Variants in CSMD1 observed in about 807,000 individuals in gnomAD.
CSMD1 encodes CUB and Sushi multiple domains 1.
Under a neutral mutation model 417.5 loss-of-function variants are expected in CSMD1, and 213 were observed. The observed-to-expected ratio is 0.51, with a 90% CI of 0.46 to 0.57. The LOEUF is 0.57. Among genes scored for constraint, CSMD1 ranks in the 20% least tolerant of loss-of-function variants. The pLI is 0.00. For missense variants in CSMD1, 6,923 were observed against 4,529.7 expected (o/e 1.53, Z -15.17); for synonymous variants, 2,862 against 1,736.8 (o/e 1.65, Z -16.11).
At chr8:4,084,662 G>C (rs542354349) in intron 3 of CSMD1, among the ~76,000 whole-genome samples, 80 of 152,196 alleles carry the variant, frequency 5.3e-4, no homozygotes, top group Non-Finnish European at 9.6e-4. Flanking sequence ...ACATTAGCAA[G>C]ACCAGTAGGG....
chr8:4,710,905 T>C (rs913852693), intron 1 of CSMD1, among the ~76,000 whole-genome samples: 7 of 151,778 alleles, frequency 4.6e-5, no homozygotes, highest in African/African-American at 1.7e-4. Context: ...CTTACATAAC[T>C]AGAAAATGGC....
chr8:4,106,096 A>T (rs775122418), intron 3 of CSMD1, among the ~76,000 whole-genome samples: 1 of 152,222 alleles, frequency 6.6e-6, no homozygotes, highest in Non-Finnish European at 1.5e-5. Flanking sequence ...TCTCTGAGGC[A>T]GGACAACCCT....
chr8:4,309,966 A>G (rs961339679), intron 3 of CSMD1, among the ~76,000 whole-genome samples: 25 of 152,192 alleles, frequency 1.6e-4, no homozygotes, highest in African/African-American at 5.5e-4. Context: ...CTATTTTTAC[A>G]TAGTGCTTTA....
intron 2 of CSMD1, among the ~76,000 whole-genome samples, chr8:4,439,487 G>C (rs949166592): frequency 2.0e-5 from 3 of 151,878 alleles, no homozygotes; most frequent in Admixed American, 6.6e-5. Context: ...TCTTCCGTTT[G>C]ACGAACAAGC....
At chr8:3,457,550 C>A (rs1287259688) in intron 12 of CSMD1, among the ~76,000 whole-genome samples, 1 of 152,154 alleles carries the variant, frequency 6.6e-6, no homozygotes, top group Admixed American at 6.5e-5. Flanking sequence ...GGCTTAGAGG[C>A]AAGAGGATAT....
chr8:4,316,085 T>TA (rs1163677540), intron 3 of CSMD1, among the ~76,000 whole-genome samples: 1 of 152,124 alleles, frequency 6.6e-6, no homozygotes, highest in Admixed American at 6.6e-5. Flanking sequence ...TAAAATGGGT[T>TA]ATTAAAAGCC....
At chr8:4,427,296 T>C (rs1563162036) in intron 2 of CSMD1, among the ~76,000 whole-genome samples, 1 of 152,142 alleles carries the variant, frequency 6.6e-6, no homozygotes, top group East Asian at 1.9e-4. Context: ...GAGCAGGTCT[T>C]GGTACTGTTG....
intron 4 of CSMD1, among the ~76,000 whole-genome samples, chr8:4,029,876 T>C (rs1797252132): frequency 6.7e-6 from 1 of 150,188 alleles, no homozygotes; most frequent in Admixed American, 6.6e-5. Flanking sequence ...AATACAGCCA[T>C]TCAAAAATGG....
Position 3,889,068 on chromosome 8 carries a change from A to G in CSMD1, c.818+108835T>C, listed in dbSNP as rs150272984. On this transcript the variant is annotated intron_variant, in intron 5 of 69. Coordinates refer to ENST00000635120, the MANE Select transcript of CSMD1 (RefSeq NM_033225.6). Reference sequence around the variant, plus strand: ...TTAAAAGGAGCTTAATATGTTAACTATCTTTTTTCTGCTGGTGACCAATTC... The same window carrying G: ...TTAAAAGGAGCTTAATATGTTAACTGTCTTTTTTCTGCTGGTGACCAATTC... Among the ~76,000 whole-genome samples the G allele has an allele frequency of 7.0e-3, 1,063 of 152,264 alleles. 16 individuals are homozygous for G. Among genetic ancestry groups the G allele is most frequent in the African/African-American group, 0.024 (1,017 of 41,570 alleles).
At chr8:4,232,172 G>C (rs529005593) in intron 3 of CSMD1, among the ~76,000 whole-genome samples, 16 of 152,082 alleles carry the variant, frequency 1.1e-4, no homozygotes, top group Non-Finnish European at 1.3e-4. Context: ...CAAGTGTATT[G>C]AGAAACACTT....
intron 50 of CSMD1, among the ~76,000 whole-genome samples, chr8:3,049,258 A>T (rs1811657608): frequency 6.6e-6 from 1 of 152,148 alleles, no homozygotes; most frequent in Non-Finnish European, 1.5e-5. Flanking sequence ...TTAAAAACTT[A>T]TGTCTGTATA....
intron 1 of CSMD1, among the ~76,000 whole-genome samples, chr8:4,791,899 C>A (rs1312084351): frequency 6.6e-6 from 1 of 152,014 alleles, no homozygotes; most frequent in Non-Finnish European, 1.5e-5. Context: ...ATTGGTTCAT[C>A]TTATTCGAAA....
intron 29 of CSMD1, 125 bp from the exon 30 acceptor site, chr8:3,214,816 G>C (rs962574744): frequency 3.7e-6 from 2 of 541,088 alleles, no homozygotes; most frequent in Non-Finnish European, 6.2e-6. Context: ...AAATAAGTAA[G>C]AAATGCTCAA....
At chr8:3,680,581 G>A (rs1178600240) in intron 7 of CSMD1, among the ~76,000 whole-genome samples, 1 of 152,132 alleles carries the variant, frequency 6.6e-6, no homozygotes, top group Non-Finnish European at 1.5e-5. Flanking sequence ...GGACCAGATG[G>A]ATTCACAGCC....
chr8:4,931,794 G>C (rs903004466), intron 1 of CSMD1, among the ~76,000 whole-genome samples: 2 of 152,182 alleles, frequency 1.3e-5, no homozygotes, highest in African/African-American at 4.8e-5. Flanking sequence ...GGCTCAGAAA[G>C]ACATTTGCAA....
chr8:4,294,746 G>C (rs185273932), intron 3 of CSMD1, among the ~76,000 whole-genome samples: 7 of 151,930 alleles, frequency 4.6e-5, no homozygotes, highest in East Asian at 3.9e-4. Context: ...ACTGTAATTA[G>C]ATGACTTTCT....
chr8:4,652,890 C>G (rs1282454515), intron 1 of CSMD1, among the ~76,000 whole-genome samples: 6 of 151,334 alleles, frequency 4.0e-5, no homozygotes, highest in African/African-American at 1.2e-4. Context: ...CTGTAAGAAT[C>G]TAACGCCGCT....
At chr8:4,534,917 C>G (rs554227376) in intron 2 of CSMD1, among the ~76,000 whole-genome samples, 1 of 152,254 alleles carries the variant, frequency 6.6e-6, no homozygotes, top group South Asian at 2.1e-4. Flanking sequence ...TGCCTGCCAC[C>G]ACGCCCGGCT....
intron 3 of CSMD1, among the ~76,000 whole-genome samples, chr8:4,340,631 G>C (rs79881826): frequency 0.016 from 2,423 of 152,176 alleles, 62 homozygotes; most frequent in African/African-American, 0.055. Context: ...CTCTGCCAAT[G>C]AGCCAAGTGG....
Sources: allele counts gnomAD v4.1 joint callset (sites outside exome capture counted in the v4.1 genomes callset), GRCh38; gene constraint gnomAD v4.1.1; transcripts MANE v1.5; gene names NCBI Gene and HGNC (gene_info 2026-07-23, HGNC 2026-07-21).